Variants in ALDH1A2 observed in about 807,000 individuals in gnomAD.
The protein encoded by ALDH1A2 is aldehyde dehydrogenase 1 family member A2, also known as retinal dehydrogenase 2.
ALDH1A2 carries 27 observed loss-of-function variants against 60.3 expected under a neutral mutation model. That is an observed-to-expected ratio of 0.45 (90% confidence interval 0.33 to 0.62). The LOEUF is 0.62. Among genes scored for constraint, ALDH1A2 ranks in the 20% least tolerant of loss-of-function variants. The pLI, the probability that ALDH1A2 is intolerant of heterozygous loss-of-function variation, is 0.02. For synonymous variants in ALDH1A2, 289 were observed against 232.4 expected (o/e 1.24, Z -2.21); for missense variants, 581 against 643.8 (o/e 0.90, Z 1.06).
intron 9 of ALDH1A2, 34 bp from the exon 10 acceptor site, chr15:57,962,210 AACCT>A (rs1893745720): frequency 5.0e-6 from 8 of 1,608,120 alleles, no homozygotes; most frequent in Non-Finnish European, 6.8e-6. Flanking sequence ...CTCCAAATAT[AACCT>A]TCTATGAAAA....
rs183538706 is a variant in ALDH1A2 at position 58,029,600 on chromosome 15, C to T, written c.118-15319G>A. The stretch of plus-strand genomic sequence containing the variant: ...AAATCCCCTAAAAAAAAAAAAAAAT[C>T]GATGAATCCAGGAGCTGGTTTTTTG... On this transcript the variant is annotated intron_variant, in intron 1 of 12. Transcript: ENST00000249750. Among the ~76,000 whole-genome samples the T allele has an allele frequency of 2.5e-3, 351 of 140,184 alleles. 3 individuals carry two copies. Among genetic ancestry groups the T allele is most frequent in the Non-Finnish European group, 3.8e-3 (247 of 64,984 alleles). 92.0% of individuals were successfully genotyped at this position (140,184 alleles called of 152,430 possible).
At chr15:57,969,521 G>T (rs142055066) in intron 7 of ALDH1A2, among the ~76,000 whole-genome samples, 2 of 152,254 alleles carry the variant, frequency 1.3e-5, no homozygotes, top group South Asian at 2.1e-4. Context: ...GTTCCTCAGG[G>T]ATACTGTCCC....
intron 1 of ALDH1A2, among the ~76,000 whole-genome samples, chr15:58,043,565 C>T (rs867266209): frequency 8.6e-5 from 13 of 152,002 alleles, no homozygotes; most frequent in African/African-American, 2.4e-4. Flanking sequence ...TCAAATGTGA[C>T]TGCCTTCTTT....
intron 12 of ALDH1A2, among the ~76,000 whole-genome samples, chr15:57,958,611 G>A (rs1290459597): frequency 1.3e-5 from 2 of 152,190 alleles, no homozygotes; most frequent in African/African-American, 2.4e-5. Context: ...GATAGACAGG[G>A]AGGTGTCAGG....
rs574772223 is a variant in ALDH1A2, at chr15:58,035,039, T to C, written c.118-20758A>G. Among the ~76,000 whole-genome samples, 68 of 151,670 alleles carry C rather than the reference T, an allele frequency of 4.5e-4. 1 individual carries two copies. Among genetic ancestry groups the C allele is most frequent in the Non-Finnish European group, 6.8e-4 (46 of 67,702 alleles). On this transcript the variant is annotated intron_variant, in intron 1 of 12. Coordinates refer to ENST00000249750, the MANE Select transcript of ALDH1A2 (RefSeq NM_003888.4). ...ACTTTCTGGAAGAGACTGTAGATAA[T>C]TGGTATGTTTGTTTGGTAGAAGTCA...
intron 7 of ALDH1A2, among the ~76,000 whole-genome samples, chr15:57,988,325 C>G (rs561299559): frequency 6.6e-6 from 1 of 152,032 alleles, no homozygotes; most frequent in South Asian, 2.1e-4. Flanking sequence ...AAAAGAGGTA[C>G]AGCTAATAAT....
chr15:58,011,197 G>C (rs1159006004), intron 3 of ALDH1A2, among the ~76,000 whole-genome samples: 2 of 152,114 alleles, frequency 1.3e-5, no homozygotes, highest in Non-Finnish European at 2.9e-5. Flanking sequence ...AGAATAGAAA[G>C]TGTTCTCCAC....
intron 1 of ALDH1A2, among the ~76,000 whole-genome samples, chr15:58,054,253 A>C (rs1896842981): frequency 6.6e-6 from 1 of 152,204 alleles, no homozygotes; most frequent in Non-Finnish European, 1.5e-5. Flanking sequence ...AAAAAAGGAA[A>C]GAAAAGGCAT....
intron 7 of ALDH1A2, chr15:57,979,888 T>G: frequency 2.8e-6 from 1 of 352,424 alleles, no homozygotes; most frequent in African/African-American, 2.1e-5. Context: ...GTTGGTACCC[T>G]GGGTGTAGCC....
intron 3 of ALDH1A2, among the ~76,000 whole-genome samples, chr15:58,013,563 C>A (rs1366710936): frequency 6.6e-6 from 1 of 152,066 alleles, no homozygotes; most frequent in Non-Finnish European, 1.5e-5. Context: ...ACCAGCCTGA[C>A]CAACATAGTG....
intron 1 of ALDH1A2, among the ~76,000 whole-genome samples, chr15:58,019,706 C>A (rs1432754981): frequency 6.6e-6 from 1 of 152,098 alleles, no homozygotes; most frequent in African/African-American, 2.4e-5. Context: ...TGTCCACTGA[C>A]ATATTATAGG....
chr15:57,998,138 C>T (rs1895129657), intron 4 of ALDH1A2, among the ~76,000 whole-genome samples: 1 of 151,984 alleles, frequency 6.6e-6, no homozygotes, highest in African/African-American at 2.4e-5. Context: ...AAAACTAGCA[C>T]AAGACAAGGA....
At position 58,065,645 on chromosome 15, in the gene ALDH1A2, A is replaced by G; in HGVS notation, c.6T>C (p.Thr2=). M[T]SSKIEMPGEV... ...CGCCGGGCATCTCTATCTTGCTGGA[A>G]GTCATGGTGGCGGGCCGGGTGTCCC... The change falls in exon 1 of 13, where the codon ACT becomes ACC. Residue 2 remains threonine, a synonymous_variant. Coordinates refer to ENST00000249750, the MANE Select transcript of ALDH1A2 (RefSeq NM_003888.4). 11 of 1,594,548 alleles carry G rather than the reference A, an allele frequency of 6.9e-6. No homozygotes were observed. Among genetic ancestry groups the G allele is most frequent in the Non-Finnish European group, 7.7e-6 (9 of 1,169,542 alleles).
chr15:58,022,949 C>T (rs928233202), intron 1 of ALDH1A2, among the ~76,000 whole-genome samples: 3 of 152,220 alleles, frequency 2.0e-5, no homozygotes, highest in East Asian at 3.9e-4. Flanking sequence ...CATGAAAAAG[C>T]GAAGAAATAT....
At chr15:57,960,089 T>C (rs1043620398) in intron 12 of ALDH1A2, among the ~76,000 whole-genome samples, 7 of 152,226 alleles carry the variant, frequency 4.6e-5, no homozygotes, top group Admixed American at 1.3e-4. Context: ...TTCACAGTGA[T>C]CTTCCCTATC....
intron 1 of ALDH1A2, among the ~76,000 whole-genome samples, chr15:58,023,451 T>A (rs1158108600): frequency 6.6e-6 from 1 of 152,200 alleles, no homozygotes; most frequent in Non-Finnish European, 1.5e-5. Flanking sequence ...GCTTAATGAT[T>A]CTCAGGCAGA....
At chr15:58,041,316 T>C (rs1455456908) in intron 1 of ALDH1A2, among the ~76,000 whole-genome samples, 1 of 151,956 alleles carries the variant, frequency 6.6e-6, no homozygotes, top group African/African-American at 2.4e-5. Flanking sequence ...AGTGAAAACC[T>C]GTGGGGGAAA....
intron 1 of ALDH1A2, among the ~76,000 whole-genome samples, chr15:58,032,755 T>C (rs1186432053): frequency 6.6e-6 from 1 of 151,440 alleles, no homozygotes; most frequent in African/African-American, 2.4e-5. Context: ...CTATTCACAA[T>C]AGCAAAGATA....
At chr15:57,992,573 G>T in intron 7 of ALDH1A2, 132 bp downstream of exon 7, 1 of 826,654 alleles carries the variant, frequency 1.2e-6, no homozygotes, top group Non-Finnish European at 2.0e-6. Flanking sequence ...TGACACCAAT[G>T]TTATCCTTTG....
Sources: allele counts gnomAD v4.1 joint callset (sites outside exome capture counted in the v4.1 genomes callset), GRCh38; gene constraint gnomAD v4.1.1; transcripts MANE v1.5; gene names NCBI Gene and HGNC (gene_info 2026-07-23, HGNC 2026-07-21).